The following IL33 variants were observed in gnomAD, a reference collection of about 807,000 sequenced individuals.
The protein encoded by IL33 is interleukin 33.
IL33 carries 37 observed loss-of-function variants against 27.3 expected under a neutral mutation model. That is an observed-to-expected ratio of 1.36 (90% CI 1.04 to 1.78). The LOEUF is 1.78. IL33 is among the 40% of genes most tolerant of loss of function. IL33 has a pLI of 0.00. For missense variants in IL33, 406 were observed against 311.4 expected (o/e 1.30, Z -2.29); for synonymous variants, 132 against 102.9 (o/e 1.28, Z -1.71).
rs760892788 is a variant in IL33 at position 6,241,758 on chromosome 9, A to G, written c.64A>G (p.Ser22Gly). 5.0e-6 allele frequency: 8 copies of G among 1,611,590 alleles called. No homozygotes were observed. The highest frequency in any genetic ancestry group is 5.9e-6 in the Non-Finnish European group (7 of 1,178,534). Residue 22 changes from serine (S) to glycine (G), a missense_variant, in exon 2 of 8, where the codon AGC becomes GGC. Ser to Gly is a moderately conservative substitution (Grantham distance 56, BLOSUM62 0). Coordinates refer to ENST00000682010, the MANE Select transcript of IL33 (RefSeq NM_033439.4). ...CACAGCAAAGTGGAAGAACACAGCA[A>G]GCAAAGCCTTGTGTTTCAAGCTGGG... The part of the protein sequence containing the change: ...ISTAKWKNTA[S>G]KALCFKLGKS...
chr9:6,247,052 GATAGA>G (rs1170716997), intron 2 of IL33, among the ~76,000 whole-genome samples: 1 of 152,168 alleles, frequency 6.6e-6, no homozygotes, highest in Non-Finnish European at 1.5e-5. Flanking sequence ...AAGAAAAACA[GATAGA>G]AAGCTCAGGA....
intron 2 of IL33, among the ~76,000 whole-genome samples, chr9:6,248,321 T>A (rs1307788592): frequency 7.2e-6 from 1 of 139,696 alleles, no homozygotes; most frequent in Non-Finnish European, 1.5e-5. Context: ...CTCAGCTCAC[T>A]GCAACCTCCG....
chr9:6,248,294 G>A (rs1819997251), intron 2 of IL33, among the ~76,000 whole-genome samples: 1 of 139,038 alleles, frequency 7.2e-6, no homozygotes, highest in African/African-American at 2.7e-5. Flanking sequence ...CGCCAGACTG[G>A]AGTGCAGTGG....
chr9:6,248,240 C>CTTTTTTTTTTTTTTTTTTTTTT, intron 2 of IL33, among the ~76,000 whole-genome samples: 1 of 84,886 alleles, frequency 1.2e-5, no homozygotes, highest in Non-Finnish European at 2.3e-5. Flanking sequence ...CTTTTCTTTT[C>CTTTTTTTTTTTTTTTTTTTTTT]TTTTTTTTTT....
intron 1 of IL33, among the ~76,000 whole-genome samples, chr9:6,235,410 A>G (rs1049105702): frequency 1.3e-5 from 2 of 152,220 alleles, no homozygotes; most frequent in African/African-American, 2.4e-5. Flanking sequence ...ACTATTAAAC[A>G]TTAAAGTTTT....
intron 1 of IL33, among the ~76,000 whole-genome samples, chr9:6,233,767 G>A (rs1819042771): frequency 6.6e-6 from 1 of 152,100 alleles, no homozygotes. Flanking sequence ...CTTGTCCAAG[G>A]TCACCTAGCT....
chr9:6,250,906 C>G (rs182788025), intron 3 of IL33, among the ~76,000 whole-genome samples: 9 of 151,844 alleles, frequency 5.9e-5, no homozygotes, highest in Admixed American at 2.6e-4. Flanking sequence ...TAGTGCTTGC[C>G]TTTTGGGTGT....
At chr9:6,216,263 T>C (rs992043319) in intron 1 of IL33, among the ~76,000 whole-genome samples, 1 of 152,210 alleles carries the variant, frequency 6.6e-6, no homozygotes, top group Admixed American at 6.5e-5. Context: ...CCCAAGCAGC[T>C]GGAACTACAG....
At chr9:6,224,321 T>A (rs1033351688) in intron 1 of IL33, among the ~76,000 whole-genome samples, 2 of 152,160 alleles carry the variant, frequency 1.3e-5, no homozygotes, top group Non-Finnish European at 2.9e-5. Context: ...TTTATGTGTT[T>A]GAGAAATGTG....
chr9:6,230,554 T>C (rs1818878187), intron 1 of IL33, among the ~76,000 whole-genome samples: 1 of 152,156 alleles, frequency 6.6e-6, no homozygotes, highest in Non-Finnish European at 1.5e-5. Context: ...TCCCCTGTGC[T>C]CCCATCCCCC....
intron 2 of IL33, among the ~76,000 whole-genome samples, chr9:6,248,327 C>G (rs968627640): frequency 2.7e-5 from 4 of 149,776 alleles, no homozygotes; most frequent in Non-Finnish European, 4.4e-5. Context: ...TCACTGCAAC[C>G]TCCGGAGAGG....
chr9:6,241,868 C>T, intron 2 of IL33, 83 bp downstream of exon 2: 1 of 880,808 alleles, frequency 1.1e-6, no homozygotes, highest in Non-Finnish European at 1.7e-6. Context: ...TTTATACATG[C>T]TATCTTATCA....
At chr9:6,215,592 G>A (rs1297023615), upstream of IL33, among the ~76,000 whole-genome samples, 1 of 152,230 alleles carries the variant, frequency 6.6e-6, no homozygotes, top group Non-Finnish European at 1.5e-5. Flanking sequence ...TTTAGGGGCA[G>A]AAGAAGAATC....
intron 1 of IL33, among the ~76,000 whole-genome samples, chr9:6,236,140 G>T (rs1212034947): frequency 1.3e-5 from 2 of 151,388 alleles, no homozygotes; most frequent in African/African-American, 2.4e-5. Context: ...ATCAATAAAA[G>T]ACTCGTTAAG....
chr9:6,221,977 A>G (rs1168196535), intron 1 of IL33, among the ~76,000 whole-genome samples: 1 of 152,224 alleles, frequency 6.6e-6, no homozygotes, highest in Non-Finnish European at 1.5e-5. Context: ...CCACAGAGAA[A>G]TAATGAAGTC....
At chr9:6,242,301 G>A (rs913762990) in intron 2 of IL33, 3 of 152,054 alleles carry the variant, frequency 2.0e-5, no homozygotes, top group Non-Finnish European at 4.4e-5. Flanking sequence ...CCTGAAGCTG[G>A]GTAATTTAAC....
chr9:6,254,197 A>G (rs1388182406), intron 6 of IL33, among the ~76,000 whole-genome samples: 3 of 152,218 alleles, frequency 2.0e-5, no homozygotes, highest in African/African-American at 7.2e-5. Flanking sequence ...CAGACAGGAA[A>G]GCTGATGCCC....
Position 6,256,920 on chromosome 9 carries a change from A to T in IL33, c.*752A>T, listed in dbSNP as rs1243919887. On this transcript the variant is annotated 3_prime_UTR_variant, in exon 8 of 8. Transcript: ENST00000682010. ...TTAAGCAAGGCATTCTTACACGAGGAAGTGAAGTAAATTTTAGTTCAGACA... is the reference window on the plus strand; with the variant it reads ...TTAAGCAAGGCATTCTTACACGAGGTAGTGAAGTAAATTTTAGTTCAGACA... The T allele has an allele frequency of 6.6e-6, 1 of 152,188 alleles. No individual in the cohort carries two copies. Among genetic ancestry groups the T allele is most frequent in the African/African-American group, 2.4e-5 (1 of 41,454 alleles). The allele number at this position is 152,188 out of a possible 1,614,324, so 9.4% of individuals were successfully genotyped here.
intron 1 of IL33, among the ~76,000 whole-genome samples, chr9:6,234,527 G>C (rs533977080): frequency 1.3e-5 from 2 of 152,280 alleles, no homozygotes; most frequent in African/African-American, 4.8e-5. Context: ...GTGAGACTTG[G>C]GTTTTAATCC....
Sources: gnomAD v4.1 joint callset for allele counts (sites outside exome capture counted in the v4.1 genomes callset) on GRCh38, gnomAD v4.1.1 for gene constraint, MANE v1.5 for transcripts, NCBI Gene and HGNC (gene_info 2026-07-23, HGNC 2026-07-21) for gene names.